The following FAN1 variants were observed in gnomAD, a reference collection of about 807,000 sequenced individuals.
The protein encoded by FAN1 is fanconi-associated nuclease 1.
Under a neutral mutation model 104.9 loss-of-function variants are expected in FAN1, and 91 were observed. That is an observed-to-expected ratio of 0.87 (90% CI 0.73 to 1.03). The LOEUF is 1.03. Ranked by LOEUF, FAN1 falls within the 50% of genes least tolerant of loss-of-function variation. The pLI is 0.00. For missense variants in FAN1, 1,263 were observed against 1,239.9 expected (o/e 1.02, Z -0.28); for synonymous variants, 478 against 457.6 (o/e 1.04, Z -0.57).
chr15:30,912,776 A>G (rs1212391323), intron 4 of FAN1, among the ~76,000 whole-genome samples: 2 of 152,230 alleles, frequency 1.3e-5, no homozygotes, highest in Non-Finnish European at 2.9e-5. Flanking sequence ...TCTAGTGACT[A>G]GAGGCCAGGG....
In FAN1 at chr15:30,905,566, TGAA is replaced by T. The variant is rs775904660; in HGVS notation, c.908_910del (p.Glu303del). On this transcript the variant is annotated inframe_deletion, in exon 2 of 15. Transcript: ENST00000362065. ...TTGAAAAACGTGAGGCATGTCATTG[TGAA>T]GAAGTAAAAATGACTGTTGCTTCAG... is the stretch of plus-strand genomic sequence containing the variant. 8 of 1,613,902 alleles carry T rather than the reference TGAA, an allele frequency of 5.0e-6. No individual in the cohort carries two copies. The African/African-American group carries it at 6.7e-5, about 13-fold the overall frequency.
intron 6 of FAN1, 81 bp from the exon 7 acceptor site, chr15:30,920,464 A>G (rs1438915154): frequency 4.5e-6 from 4 of 885,064 alleles, no homozygotes; most frequent in Non-Finnish European, 7.4e-6. Flanking sequence ...ATAGGAATTC[A>G]GTCTGCTTTG....
intron 2 of FAN1, chr15:30,906,631 C>A: frequency 4.7e-6 from 2 of 422,064 alleles, no homozygotes; most frequent in Non-Finnish European, 9.6e-6. Flanking sequence ...TAAAATGCGG[C>A]CATGTGTGAC....
At chr15:30,925,368 C>T (rs2062434102) in intron 9 of FAN1, 77 bp downstream of exon 9, 1 of 1,349,778 alleles carries the variant, frequency 7.4e-7, no homozygotes, top group African/African-American at 1.5e-5. Context: ...ATCCTAAGAG[C>T]TGTTTTGAGT....
intron 8 of FAN1, among the ~76,000 whole-genome samples, chr15:30,923,165 T>A: frequency 6.6e-6 from 1 of 152,212 alleles, no homozygotes; most frequent in East Asian, 1.9e-4. Flanking sequence ...TATGACATCT[T>A]GTTTTTATTG....
At chr15:30,930,765 A>G in intron 13 of FAN1, 94 bp downstream of exon 13, 1 of 1,473,440 alleles carries the variant, frequency 6.8e-7, no homozygotes, top group Non-Finnish European at 9.4e-7. Flanking sequence ...GCTGTTGGCA[A>G]GATTGAATTC....
At chr15:30,907,970 A>G in intron 2 of FAN1, 148 bp from the exon 3 acceptor site, 1 of 527,346 alleles carries the variant, frequency 1.9e-6, no homozygotes, top group African/African-American at 2.0e-5. Context: ...CCAAATTTTT[A>G]AATGTACTTT....
rs985863327 is a variant in FAN1 at position 30,911,569 on chromosome 15, T to C, written c.1577+754T>C. 5.2e-6 allele frequency: 5 copies of C among 968,594 alleles called. No individual in the cohort carries two copies. The African/African-American group carries it at 8.8e-5, about 17-fold the overall frequency. The allele number at this position is 968,594 out of a possible 1,614,324, so 60.0% of individuals were successfully genotyped here. On this transcript the variant is annotated intron_variant, in intron 4 of 14. Transcript: ENST00000362065. ...TAAGAAAAATATAAATACCAACACTTGAAAAAAGCTCGTGTTATAGATTTT... is the reference window on the plus strand; with the variant it reads ...TAAGAAAAATATAAATACCAACACTCGAAAAAAGCTCGTGTTATAGATTTT...
intron 14 of FAN1, chr15:30,940,553 C>T: frequency 1.0e-6 from 1 of 985,516 alleles, no homozygotes; most frequent in South Asian, 4.7e-5. Context: ...ATGGCCAAGC[C>T]CAGCACGCCT....
chr15:30,929,274 G>C lies in FAN1; in HGVS notation c.2664G>C (p.Gln888His). The change falls in exon 12 of 15, where the codon CAG (glutamine) becomes CAC (histidine). Residue 888 changes from glutamine to histidine, a missense_variant. By Grantham distance (24) the Gln-to-His change is conservative (BLOSUM62 0). Transcript: ENST00000362065. Reference sequence around the variant, plus strand: ...GCCCAGCCCTTGAGGCCAGGCTGCAGCTGATTCATGATGCCCCCGAGGAGA... The same window carrying C: ...GCCCAGCCCTTGAGGCCAGGCTGCACCTGATTCATGATGCCCCCGAGGAGA... ...SRRPALEARL[Q>H]LIHDAPEESL... is the part of the protein sequence containing the mutation. 6.2e-7 allele frequency: 1 copy of C among 1,613,676 alleles called. No individual in the cohort carries two copies. Among genetic ancestry groups the C allele is most frequent in the African/African-American group, 1.3e-5 (1 of 74,962 alleles).
intron 7 of FAN1, among the ~76,000 whole-genome samples, chr15:30,921,018 A>G (rs1190254589): frequency 6.6e-6 from 1 of 152,202 alleles, no homozygotes; most frequent in Non-Finnish European, 1.5e-5. Flanking sequence ...TCCTGGGCTC[A>G]AGTGATTTGC....
At chr15:30,914,198 A>G in intron 5 of FAN1, 107 bp downstream of exon 5, 1 of 769,764 alleles carries the variant, frequency 1.3e-6, no homozygotes. Context: ...GTCCACAGCC[A>G]AAACAGTTTT....
intron 14 of FAN1, chr15:30,938,911 C>G (rs1489151180): frequency 1.0e-6 from 1 of 984,856 alleles, no homozygotes; most frequent in Non-Finnish European, 1.2e-6. Context: ...TCACTGTGTT[C>G]CAGTAGATGA....
chr15:30,938,418 G>A (rs1187348445), intron 14 of FAN1, among the ~76,000 whole-genome samples: 1 of 152,124 alleles, frequency 6.6e-6, no homozygotes, highest in Non-Finnish European at 1.5e-5. Context: ...TTGTTCTACT[G>A]ATTGGGCCCG....
intron 13 of FAN1, 148 bp downstream of exon 13, chr15:30,930,819 T>G (rs2062690503): frequency 1.1e-6 from 1 of 952,188 alleles, no homozygotes; most frequent in African/African-American, 1.6e-5. Flanking sequence ...TGTGGGCCTG[T>G]CCCCTGCGAC....
At chr15:30,910,089 C>G (rs535242620) in intron 3 of FAN1, among the ~76,000 whole-genome samples, 20 of 152,192 alleles carry the variant, frequency 1.3e-4, no homozygotes, top group Non-Finnish European at 2.9e-4. Context: ...AAGGCACTGC[C>G]CTAAACTTGT....
Position 30,922,223 on chromosome 15 carries a change from T to C in FAN1, c.2053-12T>C. 3 of 1,599,592 alleles carry C rather than the reference T, an allele frequency of 1.9e-6. No homozygotes were observed. Among genetic ancestry groups the C allele is most frequent in the African/African-American group, 1.4e-5 (1 of 71,530 alleles). Reference sequence around the variant, plus strand: ...TGAATCTAATGAGGTTTCTTTGTTATTGTTGCAATAGGAAGCCGTCAGAGA... The same window carrying C: ...TGAATCTAATGAGGTTTCTTTGTTACTGTTGCAATAGGAAGCCGTCAGAGA... On this transcript the variant is annotated splice_polypyrimidine_tract_variant and intron_variant, in intron 7 of 14. Transcript: ENST00000362065.
At position 30,927,089 on chromosome 15, in the gene FAN1, A is replaced by C. The variant is rs974267876; in HGVS notation, c.2488+1150A>C. The C allele has an allele frequency of 4.2e-6, 4 of 950,634 alleles. No homozygotes were observed. The African/African-American group carries it at 7.1e-5, about 17-fold the overall frequency. 58.9% of individuals were successfully genotyped at this position (950,634 alleles called of 1,614,324 possible). A position where few individuals can be genotyped will look rare whatever the true frequency, so the allele number is the denominator to read the frequency against. On this transcript the variant is annotated intron_variant, in intron 10 of 14. Transcript: ENST00000362065. ...CACTTGGGGAGGCTGAGACAGGAGG[A>C]TCACTTGAACTCTGAAGACGGAGGT...
intron 12 of FAN1, among the ~76,000 whole-genome samples, chr15:30,930,248 G>A (rs370407597): frequency 7.3e-5 from 11 of 151,602 alleles, no homozygotes; most frequent in African/African-American, 9.7e-5. Context: ...CCATGCTGTC[G>A]CGTTCCTGAG....
Sources: gnomAD v4.1 joint callset for allele counts (sites outside exome capture counted in the v4.1 genomes callset) on GRCh38, gnomAD v4.1.1 for gene constraint, MANE v1.5 for transcripts, NCBI Gene and HGNC (gene_info 2026-07-23, HGNC 2026-07-21) for gene names.